The following FHL2 variants were observed in gnomAD, a reference collection of about 807,000 sequenced individuals.
The protein encoded by FHL2 is four and a half LIM domains protein 2.
Under a neutral mutation model 32.7 loss-of-function variants are expected in FHL2, and 20 were observed. The observed-to-expected ratio is 0.61, with a 90% CI of 0.43 to 0.89. The LOEUF is 0.89. Among genes scored for constraint, FHL2 ranks in the 40% least tolerant of loss-of-function variants. FHL2 has a pLI of 0.00. For missense variants in FHL2, 311 were observed against 358.6 expected, an observed-to-expected ratio of 0.87 and a Z score of 1.07; for synonymous variants, 123 against 128.1, an observed-to-expected ratio of 0.96 and a Z score of 0.27.
chr2:105,370,041 A>C (rs1247037199), intron 4 of FHL2, among the ~76,000 whole-genome samples: 1 of 152,238 alleles, frequency 6.6e-6, no homozygotes, highest in Admixed American at 6.5e-5. Flanking sequence ...CGCAGGCGGA[A>C]GCGCAGTCTT....
At chr2:105,373,803 C>T in intron 3 of FHL2, 70 bp from the exon 4 acceptor site, 1 of 1,510,400 alleles carries the variant, frequency 6.6e-7, no homozygotes, top group Non-Finnish European at 9.1e-7. Flanking sequence ...CATAGGGGCC[C>T]CTTGCGAATC....
downstream of FHL2, chr2:105,359,447 G>T (rs1680133473): frequency 6.6e-6 from 1 of 152,188 alleles, no homozygotes; most frequent in Admixed American, 6.5e-5. Flanking sequence ...CTCAGATTAA[G>T]AAACTGATTT....
chr2:105,388,856 G>T (rs1280804647), intron 2 of FHL2, among the ~76,000 whole-genome samples: 1 of 151,954 alleles, frequency 6.6e-6, no homozygotes, highest in Non-Finnish European at 1.5e-5. Context: ...TAGGTACACT[G>T]GTTGGCTATG....
At chr2:105,432,797 C>G (rs1345288196) in intron 1 of FHL2, among the ~76,000 whole-genome samples, 1 of 152,202 alleles carries the variant, frequency 6.6e-6, no homozygotes, top group Non-Finnish European at 1.5e-5. Flanking sequence ...ACATTATCAT[C>G]AAATGTTAAT....
intron 3 of FHL2, among the ~76,000 whole-genome samples, chr2:105,380,366 C>A (rs966705766): frequency 2.0e-5 from 3 of 152,108 alleles, no homozygotes; most frequent in African/African-American, 7.2e-5. Context: ...CTTTTCTTTT[C>A]TTCTATCTAT....
intron 1 of FHL2, among the ~76,000 whole-genome samples, chr2:105,407,622 C>T (rs1178118334): frequency 6.6e-6 from 1 of 152,014 alleles, no homozygotes; most frequent in African/African-American, 2.4e-5. Flanking sequence ...TTGGGAATCT[C>T]TGCCTGAATT....
chr2:105,398,766 C>T (rs1484867838), intron 1 of FHL2, 76 bp downstream of exon 1: 2 of 1,242,060 alleles, frequency 1.6e-6, no homozygotes, highest in Non-Finnish European at 1.1e-6. Context: ...ACTCCTTTCT[C>T]CCGGCTTCTC....
intron 2 of FHL2, chr2:105,390,164 G>C (rs1366333323): frequency 6.4e-6 from 1 of 157,074 alleles, no homozygotes; most frequent in African/African-American, 2.4e-5. Context: ...CCAAGAGGTA[G>C]AGCTTGCAGT....
At chr2:105,424,279 C>T (rs1684192477) in intron 1 of FHL2, among the ~76,000 whole-genome samples, 1 of 152,176 alleles carries the variant, frequency 6.6e-6, no homozygotes, top group African/African-American at 2.4e-5. Flanking sequence ...TGAAAAAATG[C>T]TCATCATCAC....
chr2:105,367,832 T>TATAAGG, intron 4 of FHL2, 93 bp from the exon 5 acceptor site: 2 of 1,341,690 alleles, frequency 1.5e-6, no homozygotes, highest in Non-Finnish European at 2.0e-6. Flanking sequence ...GCCCTCTAGT[T>TATAAGG]TTATGACCAG....
At chr2:105,425,820 A>T (rs888156426) in intron 1 of FHL2, among the ~76,000 whole-genome samples, 1 of 152,092 alleles carries the variant, frequency 6.6e-6, no homozygotes, top group Admixed American at 6.5e-5. Context: ...TCTCCTTATT[A>T]TCACGCTGCT....
chr2:105,395,091 G>A (rs959328560), intron 2 of FHL2, among the ~76,000 whole-genome samples: 9 of 152,332 alleles, frequency 5.9e-5, no homozygotes, highest in Admixed American at 3.3e-4. Context: ...GCTACGTGAG[G>A]CACTGGGAAG....
chr2:105,378,254 C>A, intron 3 of FHL2: 1 of 460,990 alleles, frequency 2.2e-6, no homozygotes, highest in Non-Finnish European at 4.5e-6. Context: ...TGACACGTGA[C>A]ACTTGAAACT....
At chr2:105,377,811 T>G (rs761690774) in intron 3 of FHL2, 2 of 338,308 alleles carry the variant, frequency 5.9e-6, no homozygotes, top group African/African-American at 4.3e-5. Context: ...ACAAGAGACC[T>G]GAAGGAGTAG....
At chr2:105,364,371 C>T (rs1680491724) in intron 5 of FHL2, among the ~76,000 whole-genome samples, 1 of 152,198 alleles carries the variant, frequency 6.6e-6, no homozygotes, top group South Asian at 2.1e-4. Flanking sequence ...GCTTAAAGGA[C>T]AGCCGGGACT....
chr2:105,429,370 G>C (rs1266729745), intron 1 of FHL2, among the ~76,000 whole-genome samples: 2 of 152,226 alleles, frequency 1.3e-5, no homozygotes, highest in African/African-American at 4.8e-5. Flanking sequence ...TAAGGATCAT[G>C]AGATAGGGGG....
intron 1 of FHL2, among the ~76,000 whole-genome samples, chr2:105,432,731 A>G (rs1180960818): frequency 6.6e-6 from 1 of 152,140 alleles, no homozygotes; most frequent in Non-Finnish European, 1.5e-5. Context: ...CACTCACACA[A>G]ACTAATAAAT....
intron 3 of FHL2, among the ~76,000 whole-genome samples, chr2:105,382,616 T>C (rs1449910601): frequency 6.6e-6 from 1 of 152,202 alleles, no homozygotes; most frequent in Admixed American, 6.5e-5. Flanking sequence ...CAATACACAG[T>C]GGTTTCAAAG....
At chr2:105,398,747 C>T in intron 1 of FHL2, 95 bp downstream of exon 1, 1 of 1,085,882 alleles carries the variant, frequency 9.2e-7, no homozygotes, top group Non-Finnish European at 1.2e-6. Flanking sequence ...GGGTCTACCC[C>T]ACAGCTCAAC....
Sources: allele counts gnomAD v4.1 joint callset (sites outside exome capture counted in the v4.1 genomes callset), GRCh38; gene constraint gnomAD v4.1.1; transcripts MANE v1.5; gene names NCBI Gene and HGNC (gene_info 2026-07-23, HGNC 2026-07-21).